Variants in SEMA3A observed in about 807,000 individuals in gnomAD.
SEMA3A encodes the protein semaphorin-3A.
In SEMA3A, 29 loss-of-function variants were observed where a neutral mutation model predicts 97.9. That is an observed-to-expected ratio of 0.30 (90% CI 0.22 to 0.40). The LOEUF is 0.40. SEMA3A is among the 10% of genes least tolerant of loss of function. The pLI is 1.00. For synonymous variants in SEMA3A, 321 were observed against 323.7 expected, an observed-to-expected ratio of 0.99 and a Z score of 0.09; for missense variants, 763 against 951.3, an observed-to-expected ratio of 0.80 and a Z score of 2.60.
intron 5 of SEMA3A, 97 bp from the exon 6 acceptor site, chr7:84,046,540 C>A: frequency 1.4e-6 from 2 of 1,424,224 alleles, no homozygotes; most frequent in South Asian, 1.3e-5. Context: ...ATGTTATGAC[C>A]ATGCTAAGAG....
At chr7:84,282,163 G>A (rs942070256) in intron 3 of SEMA3A, among the ~76,000 whole-genome samples, 4 of 151,970 alleles carry the variant, frequency 2.6e-5, no homozygotes, top group East Asian at 3.9e-4. Flanking sequence ...GAACCAATCC[G>A]CCACTATTAA....
intron 3 of SEMA3A, among the ~76,000 whole-genome samples, chr7:84,292,166 T>C (rs1399164013): frequency 1.3e-5 from 2 of 152,060 alleles, no homozygotes; most frequent in African/African-American, 4.8e-5. Flanking sequence ...TTCCCTCTAT[T>C]TTCAAATCTT....
chr7:84,139,949 T>TC (rs1031580454), intron 1 of SEMA3A, among the ~76,000 whole-genome samples: 3 of 152,038 alleles, frequency 2.0e-5, no homozygotes, highest in African/African-American at 7.2e-5. Flanking sequence ...TATTTACTTT[T>TC]CCCCCCAAGA....
At chr7:84,086,543 T>C (rs1469880654) in intron 4 of SEMA3A, among the ~76,000 whole-genome samples, 1 of 61,060 alleles carries the variant, frequency 1.6e-5, no homozygotes. Flanking sequence ...TTATATTATA[T>C]TTACATATAA....
chr7:84,194,084 T>C (rs76366857), intron 1 of SEMA3A, among the ~76,000 whole-genome samples: 7,594 of 152,178 alleles, frequency 0.05, 298 homozygotes, highest in Middle Eastern at 0.065. Context: ...CAATTCATCA[T>C]AGTAATTATA....
At chr7:84,259,175 A>C (rs1799785733) in intron 3 of SEMA3A, among the ~76,000 whole-genome samples, 1 of 152,218 alleles carries the variant, frequency 6.6e-6, no homozygotes, top group Non-Finnish European at 1.5e-5. Context: ...ACTAATCAAT[A>C]ATAATTTCCA....
At chr7:83,995,568 A>G (rs964464281) in intron 12 of SEMA3A, among the ~76,000 whole-genome samples, 2 of 152,194 alleles carry the variant, frequency 1.3e-5, no homozygotes, top group Non-Finnish European at 2.9e-5. Flanking sequence ...TTATGATGAC[A>G]TTCATTTAAA....
chr7:84,092,132 C>T (rs1459454922), intron 4 of SEMA3A, among the ~76,000 whole-genome samples: 6 of 152,028 alleles, frequency 3.9e-5, no homozygotes, highest in Non-Finnish European at 5.9e-5. Flanking sequence ...TTTTTAAATG[C>T]TCCCTCTAAA....
intron 1 of SEMA3A, among the ~76,000 whole-genome samples, chr7:84,456,622 G>A (rs529105364): frequency 1.3e-5 from 2 of 151,764 alleles, no homozygotes; most frequent in African/African-American, 4.8e-5. Context: ...TGCATACCTG[G>A]ATTTAGGTAA....
chr7:84,255,977 A>G (rs1372525814), intron 3 of SEMA3A, among the ~76,000 whole-genome samples: 1 of 152,196 alleles, frequency 6.6e-6, no homozygotes, highest in East Asian at 1.9e-4. Flanking sequence ...CAAGAATAAA[A>G]TATAATATAT....
chr7:84,420,440 G>A (rs1804557415), intron 1 of SEMA3A, among the ~76,000 whole-genome samples: 1 of 151,934 alleles, frequency 6.6e-6, no homozygotes, highest in South Asian at 2.1e-4. Context: ...TGCTCAATAG[G>A]AGATTTGAAA....
intron 5 of SEMA3A, among the ~76,000 whole-genome samples, chr7:84,053,719 G>T (rs1477646137): frequency 3.3e-5 from 5 of 149,816 alleles, no homozygotes; most frequent in Non-Finnish European, 7.5e-5. Flanking sequence ...TACATTTAAA[G>T]TTAATATTGT....
chr7:84,054,498 G>T lies in SEMA3A; in HGVS notation c.547+5967C>A, dbSNP rs552179325. On this transcript the variant is annotated intron_variant, in intron 5 of 16. Coordinates refer to ENST00000265362, the MANE Select transcript of SEMA3A (RefSeq NM_006080.3). The stretch of plus-strand genomic sequence containing the variant: ...CCCTTTCTTCCAGTTGATCGCATCG[G>T]CTCCTGAGACTTCTGCATTCTTCAT... Among the ~76,000 whole-genome samples the T allele has an allele frequency of 5.2e-3, 789 of 152,006 alleles. 3 individuals carry two copies. Among genetic ancestry groups the T allele is most frequent in the Non-Finnish European group, 9.3e-3 (635 of 68,004 alleles).
At chr7:84,367,471 A>G (rs1034893355) in intron 2 of SEMA3A, among the ~76,000 whole-genome samples, 1 of 151,154 alleles carries the variant, frequency 6.6e-6, no homozygotes, top group Admixed American at 6.6e-5. Flanking sequence ...AAAAATCGCC[A>G]AACAATAGTT....
At chr7:84,296,573 A>G (rs1023072877) in intron 3 of SEMA3A, among the ~76,000 whole-genome samples, 3 of 152,164 alleles carry the variant, frequency 2.0e-5, no homozygotes, top group Non-Finnish European at 4.4e-5. Flanking sequence ...TTAAAAAAGA[A>G]ATTTGGGATG....
chr7:84,207,991 C>T (rs1798530689), intron 3 of SEMA3A, among the ~76,000 whole-genome samples: 1 of 152,054 alleles, frequency 6.6e-6, no homozygotes, highest in African/African-American at 2.4e-5. Flanking sequence ...CACACATGCA[C>T]ATGTATGCAT....
intron 1 of SEMA3A, among the ~76,000 whole-genome samples, chr7:84,459,336 A>C (rs989729569): frequency 2.0e-5 from 3 of 152,192 alleles, no homozygotes; most frequent in African/African-American, 4.8e-5. Context: ...ATACAAAATA[A>C]ATTCTCCACA....
In SEMA3A at chr7:84,310,402, T is replaced by C. The variant is rs565730408; in HGVS notation, c.-168-3110A>G. 7.2e-5 allele frequency among the ~76,000 whole-genome samples: 11 copies of C among 152,086 alleles called. No homozygotes were observed. The East Asian group carries it at 2.1e-3, about 29-fold the overall frequency. On this transcript the variant is annotated intron_variant, in intron 2 of 3. Transcript: ENST00000424555. ...TTTTATTCACACCATATAATTTTTG[T>C]TTAAAAAAATCTGTCAAAAGAGGTT...
intron 1 of SEMA3A, among the ~76,000 whole-genome samples, chr7:84,140,610 T>A (rs1796267628): frequency 6.6e-6 from 1 of 152,136 alleles, no homozygotes; most frequent in Non-Finnish European, 1.5e-5. Flanking sequence ...ATTGAAGTAG[T>A]CAAAGGCTGG....
Sources: allele counts gnomAD v4.1 joint callset (sites outside exome capture counted in the v4.1 genomes callset), GRCh38; gene constraint gnomAD v4.1.1; transcripts MANE v1.5; gene names NCBI Gene and HGNC (gene_info 2026-07-23, HGNC 2026-07-21).